MARK3: variants seen among roughly 807,000 people sequenced by gnomAD.
The protein encoded by MARK3 is MAP/microtubule affinity-regulating kinase 3.
In MARK3, 46 loss-of-function variants were observed where a neutral mutation model predicts 90.1. That is an observed-to-expected ratio of 0.51 (90% CI 0.40 to 0.65). MARK3 has a LOEUF of 0.65. Ranked by LOEUF, MARK3 falls within the 30% of genes least tolerant of loss-of-function variation. The pLI is 0.00. For synonymous variants in MARK3, 321 were observed against 332.6 expected, an observed-to-expected ratio of 0.97 and a Z score of 0.38; for missense variants, 818 against 947.2, an observed-to-expected ratio of 0.86 and a Z score of 1.79.
At chr14:103,421,474 A>AT (rs1407797777) in intron 2 of MARK3, among the ~76,000 whole-genome samples, 3 of 152,178 alleles carry the variant, frequency 2.0e-5, no homozygotes, top group Non-Finnish European at 4.4e-5. Flanking sequence ...TATTTTGTTC[A>AT]TGTCTTCAAG....
At chr14:103,414,890 T>C (rs2091869617) in intron 2 of MARK3, among the ~76,000 whole-genome samples, 1 of 152,050 alleles carries the variant, frequency 6.6e-6, no homozygotes, top group Non-Finnish European at 1.5e-5. Context: ...TCCAGCACTT[T>C]AGGAGGCCAA....
At chr14:103,488,844 T>G (rs919171832) in intron 14 of MARK3, among the ~76,000 whole-genome samples, 2 of 152,202 alleles carry the variant, frequency 1.3e-5, no homozygotes, top group Admixed American at 6.5e-5. Context: ...TCTCCAAAAA[T>G]AAAAATTTAA....
At chr14:103,443,014 G>A (rs559578542) in intron 3 of MARK3, among the ~76,000 whole-genome samples, 1 of 150,430 alleles carries the variant, frequency 6.6e-6, no homozygotes, top group African/African-American at 2.5e-5. Flanking sequence ...GTGCTGCCAG[G>A]GGGAAGGGAG....
chr14:103,448,815 C>A, intron 3 of MARK3, 104 bp from the exon 4 acceptor site: 2 of 1,123,088 alleles, frequency 1.8e-6, no homozygotes, highest in Non-Finnish European at 2.5e-6. Context: ...AGCAATGAAT[C>A]TGTTATCTAA....
At chr14:103,487,801 C>T (rs563128202) in intron 14 of MARK3, among the ~76,000 whole-genome samples, 8 of 152,270 alleles carry the variant, frequency 5.3e-5, no homozygotes, top group African/African-American at 1.7e-4. Flanking sequence ...GTAATCCCAG[C>T]ACTTTGGGAG....
At chr14:103,454,073 A>G (rs907407756) in intron 5 of MARK3, among the ~76,000 whole-genome samples, 7 of 152,180 alleles carry the variant, frequency 4.6e-5, no homozygotes, top group Middle Eastern at 3.2e-3. Flanking sequence ...TGGAAGAGAC[A>G]GACATGGAGT....
At chr14:103,474,849 G>T in intron 12 of MARK3, 144 bp from the exon 13 acceptor site, 1 of 626,740 alleles carries the variant, frequency 1.6e-6, no homozygotes, top group Non-Finnish European at 2.8e-6. Flanking sequence ...TTAGATATAA[G>T]TGGGAAACAT....
At chr14:103,501,596 A>G (rs1313099013) in intron 17 of MARK3, among the ~76,000 whole-genome samples, 1 of 152,060 alleles carries the variant, frequency 6.6e-6, no homozygotes, top group African/African-American at 2.4e-5. Context: ...ATGGCTCTTC[A>G]TAGCTCTCCT....
At chr14:103,441,154 T>C (rs1479370070) in intron 3 of MARK3, among the ~76,000 whole-genome samples, 1 of 152,190 alleles carries the variant, frequency 6.6e-6, no homozygotes, top group Non-Finnish European at 1.5e-5. Flanking sequence ...GCACACACCT[T>C]CTACTTGATG....
chr14:103,398,113 G>A (rs956459711), intron 1 of MARK3, among the ~76,000 whole-genome samples: 3 of 152,128 alleles, frequency 2.0e-5, no homozygotes, highest in East Asian at 1.9e-4. Context: ...CAGTCTGCTC[G>A]CCAGAGGTGC....
rs370547663 is a variant in MARK3 at position 103,405,098 on chromosome 14, G to A, written c.74G>A (p.Arg25His). 1.5e-5 allele frequency: 24 copies of A among 1,613,646 alleles called. No homozygotes were observed. The highest frequency in any genetic ancestry group is 2.2e-5 in the South Asian group (2 of 91,060). Reference protein sequence around the residue: ...TENHTSHGDGRQEVTSRTSRS... With the variant: ...TENHTSHGDGHQEVTSRTSRS... ...CAGCACACGTCACATGGAGATGGGC[G>A]TCAAGAAGTTACCTCTCGTACCAGC... The change falls in exon 2 of 18, where the codon CGT becomes CAT. Residue 25 changes from arginine to histidine, a missense_variant. Around this residue, in one of 3 missense-constraint regions of MARK3, gnomAD observed 157 missense variants for 158.7 expected, o/e 0.99. Coordinates refer to ENST00000429436, the MANE Select transcript of MARK3 (RefSeq NM_001128918.3).
chr14:103,502,907 G>T lies in MARK3; in HGVS notation c.1942G>T (p.Asp648Tyr). 3 of 1,612,386 alleles carry T rather than the reference G, an allele frequency of 1.9e-6. No homozygotes were observed. The highest frequency in any genetic ancestry group is 2.5e-6 in the Non-Finnish European group (3 of 1,178,556). The change falls in exon 18 of 18, where the codon GAT (aspartate) becomes TAT (tyrosine). Residue 648 changes from aspartate (D) to tyrosine (Y), a missense_variant. Around this residue, in one of 3 missense-constraint regions of MARK3, gnomAD observed 560 missense variants for 613.5 expected, o/e 0.91. Coordinates refer to ENST00000429436, the MANE Select transcript of MARK3 (RefSeq NM_001128918.3). The stretch of plus-strand genomic sequence containing the variant: ...TCGCAATGTATCTGCTGAGCAAAAA[G>T]ATGAAAACAAAGAAGCAAAGCCTCG... The part of the protein sequence containing the change: ...SSRNVSAEQK[D>Y]ENKEAKPRSL...
chr14:103,476,270 G>A (rs1442583052), intron 13 of MARK3, among the ~76,000 whole-genome samples: 8 of 152,198 alleles, frequency 5.3e-5, no homozygotes. Context: ...GCACACACGG[G>A]GAGGTCTGAC....
chr14:103,469,203 A>T (rs1417516305), intron 12 of MARK3: 1 of 151,050 alleles, frequency 6.6e-6, no homozygotes, highest in African/African-American at 2.4e-5. Context: ...TATTTTTCAG[A>T]TGGAATCTGG....
At position 103,412,858 on chromosome 14, in the gene MARK3, CTTTCTTTCTTTTT is replaced by C. The variant is rs575508166; in HGVS notation, c.243+7608_243+7620del. On this transcript the variant is annotated intron_variant, in intron 2 of 17. Transcript: ENST00000429436. Reference sequence around the variant, plus strand: ...AATTGATATTTTAATGATGCCAAGTCTTTCTTTCTTTTTTTTCTTTCTTTTTTTTTTTTGAGAC... The same window carrying C: ...AATTGATATTTTAATGATGCCAAGTCTTTCTTTCTTTTTTTTTTTTGAGAC... 603 of 312,952 alleles carry C rather than the reference CTTTCTTTCTTTTT, an allele frequency of 1.9e-3. 3 individuals are homozygous for C. The highest frequency in any genetic ancestry group is 0.012 in the African/African-American group (554 of 44,632). The allele number at this position is 312,952 out of a possible 1,614,324, so 19.4% of individuals were successfully genotyped here.
chr14:103,392,394 G>C (rs2090313116), intron 1 of MARK3, among the ~76,000 whole-genome samples: 1 of 152,174 alleles, frequency 6.6e-6, no homozygotes, highest in Admixed American at 6.5e-5. Context: ...TTAGAACCGT[G>C]ATCACTGGGC....
intron 3 of MARK3, among the ~76,000 whole-genome samples, chr14:103,447,910 C>T (rs888908878): frequency 6.6e-6 from 1 of 151,964 alleles, no homozygotes; most frequent in African/African-American, 2.4e-5. Flanking sequence ...GTAGCTGGGA[C>T]TACAGACACA....
chr14:103,429,258 C>T lies in MARK3; in HGVS notation c.297+818C>T, dbSNP rs2092507565. 4 of 152,222 alleles carry T rather than the reference C, an allele frequency of 2.6e-5. No individual in the cohort carries two copies. The South Asian group carries it at 8.3e-4, about 32-fold the overall frequency. The allele number at this position is 152,222 out of a possible 1,614,324, so 9.4% of individuals were successfully genotyped here. Reference sequence around the variant, plus strand: ...AGTAGGAACAGGAAGTACTGAATTTCAGTCCTGGCTCTGCCACTTAGCCGA... The same window carrying T: ...AGTAGGAACAGGAAGTACTGAATTTTAGTCCTGGCTCTGCCACTTAGCCGA... On this transcript the variant is annotated intron_variant, in intron 3 of 17. Coordinates refer to ENST00000429436, the MANE Select transcript of MARK3 (RefSeq NM_001128918.3).
At chr14:103,500,087 C>T (rs1418735599) in intron 16 of MARK3, 69 bp from the exon 17 acceptor site, 1 of 1,189,748 alleles carries the variant, frequency 8.4e-7, no homozygotes, top group Admixed American at 1.9e-5. Flanking sequence ...TATTGGTGGT[C>T]ATGTACTGGC....
Sources: allele counts gnomAD v4.1 joint callset (sites outside exome capture counted in the v4.1 genomes callset), GRCh38; gene constraint gnomAD v4.1.1; regional missense constraint gnomAD v4.1.1; transcripts MANE v1.5; gene names NCBI Gene and HGNC (gene_info 2026-07-23, HGNC 2026-07-21).